Variants in TMEM260 observed in about 807,000 individuals in gnomAD.
TMEM260 encodes transmembrane protein 260, also known as protein O-mannosyl-transferase TMEM260.
In TMEM260, 82 loss-of-function variants were observed where a neutral mutation model predicts 88.9. That is an observed-to-expected ratio of 0.92 (90% CI 0.77 to 1.11). The LOEUF (loss-of-function observed/expected upper bound fraction) is 1.11. TMEM260 is among the 50% of genes least tolerant of loss of function. The pLI, the probability that TMEM260 is intolerant of heterozygous loss-of-function variation, is 0.00. For synonymous variants in TMEM260, 314 were observed against 309.3 expected (o/e 1.02, Z -0.16); for missense variants, 902 against 853.4 (o/e 1.06, Z -0.71).
chr14:56,661,373 G>A, the TMEM260 span, among the ~76,000 whole-genome samples: 5 of 152,154 alleles, frequency 3.3e-5, no homozygotes, highest in South Asian at 4.1e-4. Context: ...GAATGCCCTC[G>A]GTGGTGGAGC....
At chr14:56,640,070 C>A (rs1209911659) in intron 15 of TMEM260, among the ~76,000 whole-genome samples, 2 of 152,236 alleles carry the variant, frequency 1.3e-5, no homozygotes, top group Non-Finnish European at 2.9e-5. Context: ...CCTGTTGGGG[C>A]AGGGCACAGA....
intron 15 of TMEM260, 143 bp downstream of exon 15, chr14:56,636,741 G>A (rs930295983): frequency 5.8e-6 from 4 of 694,072 alleles, no homozygotes; most frequent in Admixed American, 2.6e-5. Flanking sequence ...CAGCACATAT[G>A]AACAAATCCT....
At chr14:56,602,906 A>G (rs1886664743) in intron 3 of TMEM260, among the ~76,000 whole-genome samples, 1 of 152,192 alleles carries the variant, frequency 6.6e-6, no homozygotes, top group Non-Finnish European at 1.5e-5. Flanking sequence ...GGAGCTATAG[A>G]ATATGATAAT....
chr14:56,647,336 G>A lies in TMEM260; in HGVS notation c.1963G>A (p.Ala655Thr). The A allele has an allele frequency of 1.2e-6, 2 of 1,614,178 alleles. No individual in the cohort carries two copies. The highest frequency in any genetic ancestry group is 8.5e-7 in the Non-Finnish European group (1 of 1,180,038). Residue 655 changes from alanine (A) to threonine (T), a missense_variant, in exon 16 of 16, where the codon GCA becomes ACA. Transcript: ENST00000261556. ...IACERMLRLQ[A>T]RDADPEVLLS... ...CTGTGAGCGGATGCTGCGTCTTCAG[G>A]CAAGAGATGCAGATCCTGAAGTGCT...
At chr14:56,645,387 G>C (rs144422886) in intron 15 of TMEM260, among the ~76,000 whole-genome samples, 1 of 151,754 alleles carries the variant, frequency 6.6e-6, no homozygotes, top group Non-Finnish European at 1.5e-5. Context: ...GCAAACTATC[G>C]CAAGGACAAA....
chr14:56,625,984 G>C (rs1888223342), intron 12 of TMEM260, among the ~76,000 whole-genome samples: 1 of 152,156 alleles, frequency 6.6e-6, no homozygotes, highest in African/African-American at 2.4e-5. Context: ...TACAGTTTAT[G>C]CTAGCTGAGA....
intron 3 of TMEM260, among the ~76,000 whole-genome samples, chr14:56,591,218 T>C (rs1363831791): frequency 6.6e-6 from 1 of 152,204 alleles, no homozygotes; most frequent in Non-Finnish European, 1.5e-5. Context: ...CATATTTCTT[T>C]AAATTACAAA....
Position 56,644,484 on chromosome 14 carries a change from AC to A in TMEM260, c.1870-2757del, listed in dbSNP as rs546852459. 8.9e-3 allele frequency among the ~76,000 whole-genome samples: 1,350 copies of A among 152,274 alleles called. 26 individuals carry two copies. The highest frequency in any genetic ancestry group is 0.031 in the African/African-American group (1,299 of 41,544). ...AGCTGAAACTGGATCCCTTCCTTAC[AC>A]CTTATACAAAAATTAATTCAAGATG... is the stretch of plus-strand genomic sequence containing the variant. On this transcript the variant is annotated intron_variant, in intron 15 of 15. Transcript: ENST00000261556.
intron 15 of TMEM260, among the ~76,000 whole-genome samples, chr14:56,641,418 C>T (rs1188766641): frequency 1.3e-5 from 2 of 152,092 alleles, no homozygotes; most frequent in Non-Finnish European, 2.9e-5. Context: ...CCAAACTAAG[C>T]TTCATAAGTG....
At chr14:56,634,441 A>T (rs151131828) in intron 13 of TMEM260, among the ~76,000 whole-genome samples, 1 of 152,358 alleles carries the variant, frequency 6.6e-6, no homozygotes, top group East Asian at 1.9e-4. Flanking sequence ...CTTAAAATTC[A>T]ACTTTTTTAG....
chr14:56,594,551 G>A (rs1452835409), intron 3 of TMEM260, among the ~76,000 whole-genome samples: 5 of 152,132 alleles, frequency 3.3e-5, no homozygotes, highest in Non-Finnish European at 7.4e-5. Context: ...TTTTGATTAT[G>A]TCATTTTTAT....
At chr14:56,632,574 C>G (rs951223678) in intron 12 of TMEM260, among the ~76,000 whole-genome samples, 1 of 151,764 alleles carries the variant, frequency 6.6e-6, no homozygotes, top group Non-Finnish European at 1.5e-5. Context: ...TTTCTTGGAG[C>G]TTTTTTTATC....
At chr14:56,581,379 C>A (rs1566520573) in intron 1 of TMEM260, among the ~76,000 whole-genome samples, 1 of 152,100 alleles carries the variant, frequency 6.6e-6, no homozygotes, top group Non-Finnish European at 1.5e-5. Context: ...TCTTTCAGGT[C>A]CTGTTGCACA....
chr14:56,625,603 GCAT>G, intron 12 of TMEM260, 73 bp downstream of exon 12: 2 of 1,286,378 alleles, frequency 1.6e-6, no homozygotes, highest in Non-Finnish European at 2.1e-6. Context: ...TAGCAGTTGT[GCAT>G]CATCCAAAAG....
Position 56,647,258 on chromosome 14 carries a change from G to A in TMEM260, c.1885G>A (p.Val629Ile). The change falls in exon 16 of 16, where the codon GTC becomes ATC. Residue 629 changes from valine to isoleucine, a missense_variant. By Grantham distance (29) the Val-to-Ile change is conservative. Coordinates refer to ENST00000261556, the MANE Select transcript of TMEM260 (RefSeq NM_017799.4). Reference protein sequence around the residue: ...AQAYDLYKEIVYLQKEHPVNW... With the variant: ...AQAYDLYKEIIYLQKEHPVNW... The stretch of plus-strand genomic sequence containing the variant: ...TGTTTTCTAGCTTTATAAGGAGATT[G>A]TCTATTTACAAAAGGAGCACCCAGT... The A allele has an allele frequency of 1.9e-6, 3 of 1,612,838 alleles. No homozygotes were observed. Among genetic ancestry groups the A allele is most frequent in the East Asian group, 2.2e-5 (1 of 44,792 alleles).
At position 56,585,884 on chromosome 14, in the gene TMEM260, G is replaced by A; in HGVS notation, c.316G>A (p.Ala106Thr). 1 of 1,612,590 alleles carries A rather than the reference G, an allele frequency of 6.2e-7. No homozygotes were observed. The highest frequency in any genetic ancestry group is 8.5e-7 in the Non-Finnish European group (1 of 1,179,450). Residue 106 changes from alanine to threonine, a missense_variant, in exon 3 of 16, where the codon GCA (alanine) becomes ACA (threonine). By Grantham distance (58) the Ala-to-Thr change is moderately conservative. Transcript: ENST00000261556. ...CTGTGGCTTATTTGGAGCAGTAGCTGCATCATTACTTTTTTTCACCGTTTT... is the reference window on the plus strand; with the variant it reads ...CTGTGGCTTATTTGGAGCAGTAGCTACATCATTACTTTTTTTCACCGTTTT... Reference protein sequence around the residue: ...LLCGLFGAVAASLLFFTVFRL... With the variant: ...LLCGLFGAVATSLLFFTVFRL...
At chr14:56,609,580 C>T (rs1372236535) in intron 6 of TMEM260, among the ~76,000 whole-genome samples, 4 of 152,104 alleles carry the variant, frequency 2.6e-5, no homozygotes, top group African/African-American at 9.7e-5. Context: ...AGCAGTGAGT[C>T]ACTATGGGTA....
chr14:56,650,049 T>C (rs1405965356), downstream of TMEM260: 1 of 449,642 alleles, frequency 2.2e-6, no homozygotes, highest in Non-Finnish European at 4.4e-6. Flanking sequence ...TTTCTTTTTC[T>C]TTCTCTTACT....
chr14:56,636,478 T>TTTAATG (rs756112164), intron 14 of TMEM260, 30 bp from the exon 15 acceptor site: 1 of 1,591,786 alleles, frequency 6.3e-7, no homozygotes. Flanking sequence ...ACTGTATGAT[T>TTTAATG]TTAATGAAGG....
Sources: allele counts gnomAD v4.1 joint callset (sites outside exome capture counted in the v4.1 genomes callset), GRCh38; gene constraint gnomAD v4.1.1; transcripts MANE v1.5; gene names NCBI Gene and HGNC (gene_info 2026-07-23, HGNC 2026-07-21).